The following CABP7 variants were observed in gnomAD, a reference collection of about 807,000 sequenced individuals.
CABP7 encodes the protein calcium-binding protein 7.
CABP7 carries 13 observed loss-of-function variants against 23.1 expected under a neutral mutation model. The ratio of observed to expected loss-of-function variants is 0.56; its 90% confidence interval spans 0.37 to 0.90. The LOEUF (loss-of-function observed/expected upper bound fraction) is 0.90. CABP7 is among the 40% of genes least tolerant of loss of function. The pLI is 0.01. For missense variants in CABP7, 248 were observed against 295.6 expected, an observed-to-expected ratio of 0.84 and a Z score of 1.18; for synonymous variants, 123 against 115.3, an observed-to-expected ratio of 1.07 and a Z score of -0.43.
rs528502671 is a variant in CABP7 at position 29,731,054 on chromosome 22, C to T, written c.*1485C>T. On this transcript the variant is annotated 3_prime_UTR_variant, in exon 5 of 5. Transcript: ENST00000216144. ...GGAGGAGAGTGAGGGGAGAGCTGCC[C>T]GGTGCAGACCCAGGACGAGGGCTGC... is the stretch of plus-strand genomic sequence containing the variant. 47 of 589,314 alleles carry T rather than the reference C, an allele frequency of 8.0e-5. No homozygotes were observed. Among genetic ancestry groups the T allele is most frequent in the African/African-American group, 5.2e-4 (27 of 52,266 alleles). The allele number at this position is 589,314 out of a possible 1,614,324, so 36.5% of individuals were successfully genotyped here.
intron 1 of CABP7, among the ~76,000 whole-genome samples, chr22:29,724,854 C>T (rs2067784396): frequency 6.6e-6 from 1 of 152,216 alleles, no homozygotes; most frequent in Non-Finnish European, 1.5e-5. Flanking sequence ...CCAATATTCA[C>T]CTGCCTTCCC....
chr22:29,723,758 G>C (rs995427351), intron 1 of CABP7, among the ~76,000 whole-genome samples: 3 of 152,256 alleles, frequency 2.0e-5, no homozygotes, highest in African/African-American at 7.2e-5. Flanking sequence ...GGAGGCCAGA[G>C]TGGTGGGGCA....
At chr22:29,729,294 G>T in intron 4 of CABP7, 86 bp downstream of exon 4, 3 of 1,579,360 alleles carry the variant, frequency 1.9e-6, no homozygotes, top group Non-Finnish European at 2.6e-6. Context: ...TGCAGAGGGG[G>T]GCTGGGGGCC....
rs553620642 is a variant in CABP7, at chr22:29,730,234, C to G, written c.*665C>G. On this transcript the variant is annotated 3_prime_UTR_variant, in exon 5 of 5. Transcript: ENST00000216144. ...GAGGCTCAGGGCCCCGAGACTTGGC[C>G]TCAGTTCTTCCTTCCACAGGGATTT... 6.5e-6 allele frequency: 1 copy of G among 152,848 alleles called. No individual in the cohort carries two copies. Among genetic ancestry groups the G allele is most frequent in the Non-Finnish European group, 1.5e-5 (1 of 68,090 alleles). 9.5% of individuals were successfully genotyped at this position (152,848 alleles called of 1,614,324 possible).
chr22:29,724,782 G>C (rs2067783802), intron 1 of CABP7, among the ~76,000 whole-genome samples: 1 of 152,204 alleles, frequency 6.6e-6, no homozygotes, highest in Admixed American at 6.5e-5. Flanking sequence ...GGTAAGCCTT[G>C]CCTGAGAAAA....
rs1349668321 is a variant in CABP7 at position 29,727,292 on chromosome 22, G to A, written c.110-370G>A. 6.6e-6 allele frequency among the ~76,000 whole-genome samples: 1 copy of A among 150,832 alleles called. No homozygotes were observed. ...GGAGAGGGGGATGAAAGGAATGGGG[G>A]CGGGTGGGGAAGCCGTCAGCAGCCG... is the stretch of plus-strand genomic sequence containing the variant. On this transcript the variant is annotated intron_variant, in intron 1 of 4. Coordinates refer to ENST00000216144, the MANE Select transcript of CABP7 (RefSeq NM_182527.3). This position sits in a 1 kb window ranked among gnomAD's most constrained non-coding sequence, Gnocchi z 4.2.
chr22:29,729,369 G>T, intron 4 of CABP7, 73 bp from the exon 5 acceptor site: 3 of 1,588,002 alleles, frequency 1.9e-6, no homozygotes, highest in Middle Eastern at 1.7e-4. Flanking sequence ...TGTGCCGAAG[G>T]GCAGGCGGCT....
At chr22:29,728,577 G>C (rs898046880) in intron 2 of CABP7, 53 bp from the exon 3 acceptor site, 1 of 1,200,060 alleles carries the variant, frequency 8.3e-7, no homozygotes, top group African/African-American at 1.5e-5. Flanking sequence ...CTGGGCCCTG[G>C]GCTGCAGGCC....
At chr22:29,725,601 G>A (rs1214992508) in intron 1 of CABP7, among the ~76,000 whole-genome samples, 3 of 152,208 alleles carry the variant, frequency 2.0e-5, no homozygotes, top group Non-Finnish European at 4.4e-5. Context: ...GCCTGTGGGG[G>A]CCCAGAGGAG....
intron 1 of CABP7, among the ~76,000 whole-genome samples, chr22:29,726,321 C>T (rs2067795337): frequency 6.6e-6 from 1 of 152,214 alleles, no homozygotes; most frequent in African/African-American, 2.4e-5. Context: ...TGGCCTGGGA[C>T]ATGTGGCCAT....
rs1392203524 is a variant in CABP7 at position 29,727,454 on chromosome 22, C to CT, written c.110-207dup. 6.6e-6 allele frequency among the ~76,000 whole-genome samples: 1 copy of CT among 152,198 alleles called. No homozygotes were observed. Among genetic ancestry groups the CT allele is most frequent in the Admixed American group, 6.5e-5 (1 of 15,276 alleles). ...GGTCACTGCTGGGGGGCCTTGAGCC[C>CT]TGCTTTACTGCCCTGCTCAGCCTGC... On this transcript the variant is annotated intron_variant, in intron 1 of 4. Transcript: ENST00000216144. The surrounding 1 kb of genome is among the most constrained non-coding windows in gnomAD (Gnocchi z 4.2).
Position 29,728,626 on chromosome 22 carries a change from C to T in CABP7, c.254-4C>T, listed in dbSNP as rs775268057. The T allele has an allele frequency of 5.7e-6, 9 of 1,592,900 alleles. No individual in the cohort carries two copies. The East Asian group carries it at 1.3e-4, about 24-fold the overall frequency. On this transcript the variant is annotated splice_polypyrimidine_tract_variant and splice_region_variant and intron_variant, in intron 2 of 4. Transcript: ENST00000216144. ...CTGATTGATTGGACCTGTGCCTCCACCAGGTGATGGTCAAGTGGACTTTGA... is the reference window on the plus strand; with the variant it reads ...CTGATTGATTGGACCTGTGCCTCCATCAGGTGATGGTCAAGTGGACTTTGA...
At position 29,729,890 on chromosome 22, in the gene CABP7, G is replaced by A. The variant is rs1004793518; in HGVS notation, c.*321G>A. On this transcript the variant is annotated 3_prime_UTR_variant, in exon 5 of 5. Coordinates refer to ENST00000216144, the MANE Select transcript of CABP7 (RefSeq NM_182527.3). ...GAGGGATTTGCACAGGAACCCCCAGGACCCAGTCGCTGCTGTGGTCCCTTG... is the reference window on the plus strand; with the variant it reads ...GAGGGATTTGCACAGGAACCCCCAGAACCCAGTCGCTGCTGTGGTCCCTTG... 1 of 347,166 alleles carries A rather than the reference G, an allele frequency of 2.9e-6. No individual in the cohort carries two copies. Among genetic ancestry groups the A allele is most frequent in the Admixed American group, 4.5e-5 (1 of 22,398 alleles). 21.5% of individuals were successfully genotyped at this position (347,166 alleles called of 1,614,324 possible). A position where few individuals can be genotyped will look rare whatever the true frequency, so the allele number is the denominator to read the frequency against.
intron 1 of CABP7, among the ~76,000 whole-genome samples, chr22:29,722,613 C>G (rs1038355742): frequency 3.9e-5 from 6 of 152,248 alleles, no homozygotes; most frequent in Non-Finnish European, 8.8e-5. Flanking sequence ...CTGCAGGTGC[C>G]CTAAAAGCCC....
chr22:29,724,784 C>A (rs552258932), intron 1 of CABP7, among the ~76,000 whole-genome samples: 1 of 152,304 alleles, frequency 6.6e-6, no homozygotes, highest in South Asian at 2.1e-4. Context: ...TAAGCCTTGC[C>A]TGAGAAAAGG....
At position 29,720,618 on chromosome 22, in the gene CABP7, G is replaced by C; in HGVS notation, c.109+85G>C. 1.3e-6 allele frequency: 1 copy of C among 762,756 alleles called. No individual in the cohort carries two copies. The highest frequency in any genetic ancestry group is 4.3e-4 in the Middle Eastern group (1 of 2,344). The allele number at this position is 762,756 out of a possible 1,614,324, so 47.2% of individuals were successfully genotyped here. A position where few individuals can be genotyped will look rare whatever the true frequency, so the allele number is the denominator to read the frequency against. On this transcript the variant is annotated intron_variant, in intron 1 of 4. Coordinates refer to ENST00000216144, the MANE Select transcript of CABP7 (RefSeq NM_182527.3). The surrounding 1 kb of genome is among the most constrained non-coding windows in gnomAD (Gnocchi z 5.2). ...CGCGGGCCAGGGGCGCGGGGGCGGG[G>C]GGCGGGGGGCGGTCCGCAGGTGCCG...
intron 4 of CABP7, 103 bp from the exon 5 acceptor site, chr22:29,729,339 C>T (rs1007584729): frequency 6.4e-7 from 1 of 1,568,348 alleles, no homozygotes; most frequent in East Asian, 2.2e-5. Context: ...CCCATTGGGG[C>T]ACCCCATGGG....
In CABP7 at chr22:29,729,580, G is replaced by C; in HGVS notation, c.*11G>C. 1 of 1,607,772 alleles carries C rather than the reference G, an allele frequency of 6.2e-7. No homozygotes were observed. The highest frequency in any genetic ancestry group is 8.5e-7 in the Non-Finnish European group (1 of 1,179,690). ...AGTGGCATGAAGTAGACGCCACCTG[G>C]ATGCCCCATCCACCGCATGCGGTGC... On this transcript the variant is annotated 3_prime_UTR_variant, in exon 5 of 5. Transcript: ENST00000216144.
chr22:29,729,736 G>A lies in CABP7; in HGVS notation c.*167G>A. On this transcript the variant is annotated 3_prime_UTR_variant, in exon 5 of 5. Transcript: ENST00000216144. The stretch of plus-strand genomic sequence containing the variant: ...CCCACCCACCCACGGTCCTCACCTG[G>A]AGCTGTGGCCTGGCTGTGGAGGGCC... 1 of 874,174 alleles carries A rather than the reference G, an allele frequency of 1.1e-6. No individual in the cohort carries two copies. Among genetic ancestry groups the A allele is most frequent in the Non-Finnish European group, 1.7e-6 (1 of 583,730 alleles). 54.2% of individuals were successfully genotyped at this position (874,174 alleles called of 1,614,324 possible).
Sources: gnomAD v4.1 joint callset for allele counts (sites outside exome capture counted in the v4.1 genomes callset) on GRCh38, gnomAD v4.1.1 for gene constraint, Gnocchi (gnomAD v3.1) non-coding constraint, MANE v1.5 for transcripts, NCBI Gene and HGNC (gene_info 2026-07-23, HGNC 2026-07-21) for gene names.